SLC25A48: variants seen among roughly 807,000 people sequenced by gnomAD.
SLC25A48 encodes solute carrier family 25 member 48.
SLC25A48 carries 29 observed loss-of-function variants against 32.2 expected under a neutral mutation model. That is an observed-to-expected ratio of 0.90 (90% CI 0.67 to 1.23). The LOEUF (loss-of-function observed/expected upper bound fraction) is 1.23, where lower values mean the gene tolerates loss of function less well. Among genes scored for constraint, SLC25A48 ranks in the 50% most tolerant of loss-of-function variants. SLC25A48 has a pLI of 0.00. For synonymous variants in SLC25A48, 164 were observed against 172.3 expected, an observed-to-expected ratio of 0.95 and a Z score of 0.38; for missense variants, 399 against 422.7, an observed-to-expected ratio of 0.94 and a Z score of 0.49.
At chr5:135,816,390 G>A (rs1757720160) in intron 4 of SLC25A48, among the ~76,000 whole-genome samples, 1 of 152,090 alleles carries the variant, frequency 6.6e-6, no homozygotes, top group Non-Finnish European at 1.5e-5. Flanking sequence ...TTCATATAGT[G>A]CTTTTGTACA....
chr5:135,778,245 A>C (rs1463172853), intron 3 of SLC25A48, among the ~76,000 whole-genome samples: 1 of 151,596 alleles, frequency 6.6e-6, no homozygotes, highest in African/African-American at 2.4e-5. Context: ...CCTAATATTC[A>C]CGGAGAAAAA....
chr5:135,731,189 AG>A lies in SLC25A48; in HGVS notation c.-520-81330del, dbSNP rs375442439. On this transcript the variant is annotated intron_variant, in intron 3 of 10. Transcript: ENST00000646290. ...CAAAGGGGGTTGTTCTCTGGCTGGT[AG>A]GGGTGGGGGTCATAAGGTGCTCAAT... Among the ~76,000 whole-genome samples the A allele has an allele frequency of 4.4e-4, 66 of 150,460 alleles. 2 individuals carry two copies. In the East Asian group the frequency reaches 0.013, roughly 29 times the overall value.
At position 135,691,328 on chromosome 5, in the gene SLC25A48, A is replaced by G. The variant is rs180792215; in HGVS notation, c.-521+56372A>G. 9.1e-4 allele frequency among the ~76,000 whole-genome samples: 138 copies of G among 152,342 alleles called. No homozygotes were observed. The East Asian group carries it at 0.015, about 17-fold the overall frequency. ...ATATGAGGAGGAGGGCTTCTTGCTC[A>G]GAGCTGGGTGATAAAAAGCACGGGT... is the stretch of plus-strand genomic sequence containing the variant. On this transcript the variant is annotated intron_variant, in intron 3 of 10. Coordinates refer to the SLC25A48 transcript ENST00000646290.
intron 3 of SLC25A48, among the ~76,000 whole-genome samples, chr5:135,801,285 T>C (rs1489877252): frequency 6.7e-6 from 1 of 149,464 alleles, no homozygotes; most frequent in Non-Finnish European, 1.5e-5. Context: ...GGAATGATAT[T>C]ACTTCCAATA....
chr5:135,805,576 C>G (rs1330281315), intron 3 of SLC25A48, among the ~76,000 whole-genome samples: 2 of 151,476 alleles, frequency 1.3e-5, no homozygotes, highest in African/African-American at 4.8e-5. Context: ...GGAGATATTA[C>G]TTTTAATATC....
chr5:135,704,254 A>G (rs533553523), intron 3 of SLC25A48, among the ~76,000 whole-genome samples: 3 of 152,224 alleles, frequency 2.0e-5, no homozygotes, highest in Admixed American at 6.5e-5. Context: ...AAATCAGACT[A>G]AAAACAAGGC....
At chr5:135,835,480 G>A (rs923204686) in intron 1 of SLC25A48, among the ~76,000 whole-genome samples, 1 of 152,172 alleles carries the variant, frequency 6.6e-6, no homozygotes, top group African/African-American at 2.4e-5. Context: ...TACCTCCAAG[G>A]CCCCTTCTCC....
chr5:135,590,389 C>T lies in SLC25A48; in HGVS notation c.-849+10792C>T, dbSNP rs369003113. 5.3e-5 allele frequency among the ~76,000 whole-genome samples: 8 copies of T among 152,340 alleles called. No homozygotes were observed. In the East Asian group the frequency reaches 1.2e-3, roughly 22 times the overall value. On this transcript the variant is annotated intron_variant, in intron 1 of 10. Coordinates refer to the SLC25A48 transcript ENST00000646290. ...CACACCATCCCTGCCCATGGGCCCC[C>T]GGCCCCAGCCAGCCTGCAGGGCCTG...
chr5:135,860,606 G>A (rs1450041973), intron 4 of SLC25A48, among the ~76,000 whole-genome samples: 1 of 152,204 alleles, frequency 6.6e-6, no homozygotes, highest in Non-Finnish European at 1.5e-5. Flanking sequence ...GTAATTCAGT[G>A]AAAACCAAAC....
rs894996214 is a variant in SLC25A48 at position 135,874,042 on chromosome 5, C to A, written c.701C>A (p.Ala234Glu). ...GCAGGAGCAATTTCTTGGGGGACAG[C>A]GACTCCTATGGATGTCGTGAAAAGT... ...GMAGAISWGT[A>E]TPMDVVKSRL... The change falls in exon 6 of 8, where the codon GCG (alanine) becomes GAG (glutamate). Residue 234 changes from alanine (A) to glutamate (E), a missense_variant. Physicochemically the swap from Ala to Glu is moderately radical, Grantham distance 107. Transcript: ENST00000681962. The A allele has an allele frequency of 1.3e-6, 2 of 1,531,872 alleles. No homozygotes were observed. The highest frequency in any genetic ancestry group is 1.4e-5 in the African/African-American group (1 of 72,560). The allele number at this position is 1,531,872 out of a possible 1,614,324, so 94.9% of individuals were successfully genotyped here. A position where few individuals can be genotyped will look rare whatever the true frequency, so the allele number is the denominator to read the frequency against.
intron 3 of SLC25A48, among the ~76,000 whole-genome samples, chr5:135,698,630 C>G (rs998075420): frequency 6.6e-6 from 1 of 151,934 alleles, no homozygotes; most frequent in African/African-American, 2.4e-5. Context: ...TCTTTATAAT[C>G]TTGGGGTAAG....
chr5:135,594,759 A>G (rs1426207556), intron 1 of SLC25A48, among the ~76,000 whole-genome samples: 1 of 152,234 alleles, frequency 6.6e-6, no homozygotes, highest in East Asian at 1.9e-4. Context: ...GCCACACCTC[A>G]GCTGCTCTCA....
chr5:135,669,196 T>C (rs1753595056), intron 3 of SLC25A48, among the ~76,000 whole-genome samples: 1 of 152,146 alleles, frequency 6.6e-6, no homozygotes, highest in Admixed American at 6.5e-5. Context: ...TCAAAGAACC[T>C]ATCTGATATC....
chr5:135,702,183 C>A (rs1045154698), intron 3 of SLC25A48, among the ~76,000 whole-genome samples: 7 of 152,202 alleles, frequency 4.6e-5, no homozygotes, highest in African/African-American at 1.7e-4. Context: ...TCCATAATAT[C>A]CTCCCAAAAG....
intron 3 of SLC25A48, chr5:135,746,124 C>T (rs1755633411): frequency 6.5e-6 from 1 of 152,818 alleles, no homozygotes; most frequent in Non-Finnish European, 1.5e-5. Context: ...AGGCCCCACT[C>T]CTCTCCGTAT....
upstream of SLC25A48, among the ~76,000 whole-genome samples, chr5:135,834,022 G>A (rs1350380233): frequency 6.6e-6 from 1 of 152,200 alleles, no homozygotes; most frequent in African/African-American, 2.4e-5. Context: ...ACGCTGGGGG[G>A]CTTCGAGTCT....
At chr5:135,604,808 G>A (rs1451800811) in intron 1 of SLC25A48, among the ~76,000 whole-genome samples, 1 of 151,698 alleles carries the variant, frequency 6.6e-6, no homozygotes, top group Non-Finnish European at 1.5e-5. Context: ...GCAGCCCAGT[G>A]TGGTGGTCAA....
At chr5:135,640,447 A>G (rs1752806216) in intron 3 of SLC25A48, among the ~76,000 whole-genome samples, 1 of 152,164 alleles carries the variant, frequency 6.6e-6, no homozygotes, top group Non-Finnish European at 1.5e-5. Flanking sequence ...AAAAGAACCC[A>G]TACCAAGGGA....
intron 3 of SLC25A48, among the ~76,000 whole-genome samples, chr5:135,675,411 G>A (rs1391407640): frequency 6.6e-6 from 1 of 151,548 alleles, no homozygotes; most frequent in Non-Finnish European, 1.5e-5. Flanking sequence ...TAAAACCTTG[G>A]CCTGCATATG....
Sources: gnomAD v4.1 joint callset for allele counts (sites outside exome capture counted in the v4.1 genomes callset) on GRCh38, gnomAD v4.1.1 for gene constraint, MANE v1.5 for transcripts, NCBI Gene and HGNC (gene_info 2026-07-23, HGNC 2026-07-21) for gene names.